Variants in WRN observed in about 807,000 individuals in gnomAD.
WRN encodes the protein bifunctional 3'-5' exonuclease/ATP-dependent helicase WRN.
WRN carries 149 observed loss-of-function variants against 180.7 expected under a neutral mutation model. The observed-to-expected ratio is 0.82, with a 90% CI of 0.72 to 0.94. The LOEUF is 0.94. Among genes scored for constraint, WRN ranks in the 40% least tolerant of loss-of-function variants. The pLI, the probability that WRN is intolerant of heterozygous loss-of-function variation, is 0.00. For missense variants in WRN, 1,661 were observed against 1,700.1 expected (o/e 0.98, Z 0.40); for synonymous variants, 548 against 568.9 (o/e 0.96, Z 0.52).
At chr8:31,116,919 C>G (rs1471981395) in intron 20 of WRN, among the ~76,000 whole-genome samples, 1 of 152,114 alleles carries the variant, frequency 6.6e-6, no homozygotes, top group Non-Finnish European at 1.5e-5. Flanking sequence ...AGAACACATA[C>G]TGGGTTCAGG....
intron 7 of WRN, among the ~76,000 whole-genome samples, chr8:31,069,103 T>C (rs1370577117): frequency 3.3e-5 from 5 of 152,268 alleles, no homozygotes; most frequent in East Asian, 3.8e-4. Flanking sequence ...TGTATTGATA[T>C]AAAGTTATCA....
At chr8:31,071,237 A>G (rs1812903877) in intron 7 of WRN, among the ~76,000 whole-genome samples, 1 of 152,106 alleles carries the variant, frequency 6.6e-6, no homozygotes, top group Admixed American at 6.6e-5. Context: ...CAGATGGGCC[A>G]TGGTAAGGAG....
intron 30 of WRN, among the ~76,000 whole-genome samples, chr8:31,149,544 G>A (rs1252125938): frequency 8.9e-6 from 1 of 112,048 alleles, no homozygotes; most frequent in South Asian, 3.4e-4. Context: ...GCGCGATCTC[G>A]GCTCACTGCA....
At chr8:31,057,460 A>T (rs1368893294) in intron 1 of WRN, among the ~76,000 whole-genome samples, 1 of 152,044 alleles carries the variant, frequency 6.6e-6, no homozygotes, top group South Asian at 2.1e-4. Flanking sequence ...AGTCCCAGCT[A>T]CTCAGGAGGC....
intron 10 of WRN, among the ~76,000 whole-genome samples, chr8:31,084,006 T>A (rs1813424335): frequency 6.6e-6 from 1 of 152,212 alleles, no homozygotes. Flanking sequence ...TCCTTCTTAT[T>A]TTTTATTTTG....
chr8:31,149,917 G>A (rs1803049126), intron 30 of WRN, among the ~76,000 whole-genome samples: 1 of 152,152 alleles, frequency 6.6e-6, no homozygotes, highest in Admixed American at 6.5e-5. Context: ...TACTGTTACA[G>A]GTAAACACTT....
Position 31,064,964 on chromosome 8 carries a change from G to C in WRN, c.405G>C (p.Lys135Asn), listed in dbSNP as rs2130036348. 6.2e-7 allele frequency: 1 copy of C among 1,613,666 alleles called. No homozygotes were observed. The highest frequency in any genetic ancestry group is 8.5e-7 in the Non-Finnish European group (1 of 1,179,798). ...KMLLENKAVKKAGVGIEGDQW... is the reference protein window; with the variant it reads ...KMLLENKAVKNAGVGIEGDQW... The stretch of plus-strand genomic sequence containing the variant: ...TGCTTGAAAATAAAGCAGTTAAAAA[G>C]GCAGGTGTAGGAATTGAAGGAGATC... Residue 135 changes from lysine (K) to asparagine (N), a missense_variant, in exon 5 of 35, where the codon AAG (lysine) becomes AAC (asparagine). Lys to Asn is a moderately conservative substitution (Grantham distance 94). Coordinates refer to ENST00000298139, the MANE Select transcript of WRN (RefSeq NM_000553.6).
intron 3 of WRN, among the ~76,000 whole-genome samples, chr8:31,059,875 T>G (rs1812422019): frequency 6.6e-6 from 1 of 151,950 alleles, no homozygotes; most frequent in African/African-American, 2.4e-5. Context: ...GCTAACATGG[T>G]GAAACACCGT....
At position 31,167,116 on chromosome 8, in the gene WRN, T is replaced by C; in HGVS notation, c.4077T>C (p.Pro1359=). 1 of 1,613,482 alleles carries C rather than the reference T, an allele frequency of 6.2e-7. No homozygotes were observed. Among genetic ancestry groups the C allele is most frequent in the Non-Finnish European group, 8.5e-7 (1 of 1,179,544 alleles). The part of the protein sequence containing the change: ...HMAIEILKHG[P]DSGLQPSCDV... The stretch of plus-strand genomic sequence containing the variant: ...CAATTGAGATCCTTAAACATGGTCC[T>C]GACAGCGGACTTCAACCTTCATGTG... Residue 1359 remains proline, a synonymous_variant, in exon 34 of 35, where the codon CCT becomes CCC. Transcript: ENST00000298139.
intron 33 of WRN, among the ~76,000 whole-genome samples, chr8:31,158,123 C>T (rs1344212938): frequency 6.6e-6 from 1 of 152,164 alleles, no homozygotes; most frequent in Non-Finnish European, 1.5e-5. Flanking sequence ...TAATTTCTAT[C>T]TCATCACTTG....
chr8:31,150,377 T>C lies in WRN; in HGVS notation c.3609T>C (p.Gly1203=). The C allele has an allele frequency of 6.2e-7, 1 of 1,614,166 alleles. No homozygotes were observed. Among genetic ancestry groups the C allele is most frequent in the Non-Finnish European group, 8.5e-7 (1 of 1,180,018 alleles). Residue 1203 remains glycine, a synonymous_variant, in exon 31 of 35, where the codon GGT becomes GGC. Coordinates refer to ENST00000298139, the MANE Select transcript of WRN (RefSeq NM_000553.6). Reference sequence around the variant, plus strand: ...TTGAAAACGTAAAAAGGATTGATGGTGTTTCTGAAGGCAAAGCTGCCATGT... The same window carrying C: ...TTGAAAACGTAAAAAGGATTGATGGCGTTTCTGAAGGCAAAGCTGCCATGT... The part of the protein sequence containing the change: ...TTVENVKRID[G]VSEGKAAMLA...
chr8:31,043,177 G>A (rs375516707), intron 1 of WRN, among the ~76,000 whole-genome samples: 8 of 152,208 alleles, frequency 5.3e-5, no homozygotes, highest in East Asian at 1.9e-4. Flanking sequence ...GTGGTTTCTT[G>A]TATGCTTGTA....
rs759390217 is a variant in WRN, at chr8:31,167,073, C to T, written c.4034C>T (p.Thr1345Met). 4 of 1,613,132 alleles carry T rather than the reference C, an allele frequency of 2.5e-6. No homozygotes were observed. Among genetic ancestry groups the T allele is most frequent in the African/African-American group, 1.3e-5 (1 of 74,850 alleles). Residue 1345 changes from threonine (T) to methionine (M), a missense_variant, in exon 34 of 35, where the codon ACG becomes ATG. Transcript: ENST00000298139. ...ATGTTAGTTCCTGAAAACATTGACA[C>T]GTACCTTATCCACATGGCAATTGAG... Reference protein sequence around the residue: ...IRMLVPENIDTYLIHMAIEIL... With the variant: ...IRMLVPENIDMYLIHMAIEIL...
At chr8:31,059,541 T>G (rs907425332) in intron 3 of WRN, among the ~76,000 whole-genome samples, 3 of 152,198 alleles carry the variant, frequency 2.0e-5, no homozygotes, top group Non-Finnish European at 4.4e-5. Context: ...GCACGACAGT[T>G]TTTTAACTTT....
intron 18 of WRN, among the ~76,000 whole-genome samples, chr8:31,105,095 A>G (rs1346541066): frequency 2.2e-4 from 1 of 4,458 alleles, no homozygotes; most frequent in East Asian, 0.17. Context: ...GTTGGAGCAG[A>G]TATTAAAACA....
At chr8:31,159,404 C>G (rs893631877) in intron 33 of WRN, among the ~76,000 whole-genome samples, 3 of 151,954 alleles carry the variant, frequency 2.0e-5, no homozygotes, top group African/African-American at 4.8e-5. Flanking sequence ...GGTTGAAAAA[C>G]TACGTGTTGG....
intron 30 of WRN, among the ~76,000 whole-genome samples, chr8:31,149,232 C>T (rs1042742226): frequency 9.2e-5 from 14 of 151,638 alleles, no homozygotes; most frequent in African/African-American, 3.1e-4. Flanking sequence ...CCCGTTTCTA[C>T]TAAAAATACA....
intron 17 of WRN, among the ~76,000 whole-genome samples, chr8:31,099,569 G>GTTTTTTTTTTTTT (rs555227491): frequency 1.5e-5 from 2 of 137,250 alleles, no homozygotes; most frequent in Non-Finnish European, 3.2e-5. Context: ...TTGTTTGTTT[G>GTTTTTTTTTTTTT]TTTTTTTTTT....
intron 13 of WRN, 72 bp from the exon 14 acceptor site, chr8:31,090,393 G>T: frequency 7.1e-7 from 1 of 1,407,090 alleles, no homozygotes; most frequent in Non-Finnish European, 1.0e-6. Context: ...ATGAAAAATT[G>T]AATGGATTTT....
Sources: gnomAD v4.1 joint callset for allele counts (sites outside exome capture counted in the v4.1 genomes callset) on GRCh38, gnomAD v4.1.1 for gene constraint, MANE v1.5 for transcripts, NCBI Gene and HGNC (gene_info 2026-07-23, HGNC 2026-07-21) for gene names.